The following RALYL variants were observed in gnomAD, a reference collection of about 807,000 sequenced individuals.
RALYL encodes the protein RALY RNA binding protein like.
A neutral mutation model predicts 35.1 loss-of-function variants in RALYL; 29 were observed. That is an observed-to-expected ratio of 0.83 (90% CI 0.61 to 1.13). The LOEUF (loss-of-function observed/expected upper bound fraction) is 1.13. RALYL is among the 50% of genes most tolerant of loss of function. The probability of loss-of-function intolerance (pLI) is 0.00; values close to 1 mark genes in which losing one functional copy is unlikely to be tolerated. For synonymous variants in RALYL, 120 were observed against 127.6 expected, an observed-to-expected ratio of 0.94 and a Z score of 0.40; for missense variants, 359 against 360.4, an observed-to-expected ratio of 1.00 and a Z score of 0.03.
intron 1 of RALYL, among the ~76,000 whole-genome samples, chr8:84,217,695 T>A (rs1821161625): frequency 1.3e-5 from 2 of 152,130 alleles, no homozygotes; most frequent in South Asian, 4.1e-4. Flanking sequence ...GCAGAATGCA[T>A]GAAGATTTAC....
chr8:84,609,940 C>T (rs1817931387), intron 2 of RALYL, among the ~76,000 whole-genome samples: 1 of 152,038 alleles, frequency 6.6e-6, no homozygotes, highest in African/African-American at 2.4e-5. Flanking sequence ...TGCAGGGGAA[C>T]TCCTCTTTAT....
chr8:84,460,108 A>C (rs1048333411), intron 1 of RALYL, among the ~76,000 whole-genome samples: 1 of 151,792 alleles, frequency 6.6e-6, no homozygotes, highest in African/African-American at 2.4e-5. Flanking sequence ...ATATACCTGG[A>C]GGTTATACAC....
intron 2 of RALYL, among the ~76,000 whole-genome samples, chr8:84,694,128 A>G (rs1024846091): frequency 6.6e-6 from 1 of 151,910 alleles, no homozygotes; most frequent in East Asian, 1.9e-4. Flanking sequence ...GGTAAGACAA[A>G]GAAATAAAAG....
At chr8:84,335,198 A>G (rs1013531536) in intron 1 of RALYL, among the ~76,000 whole-genome samples, 2 of 152,146 alleles carry the variant, frequency 1.3e-5, no homozygotes, top group African/African-American at 4.8e-5. Context: ...GAGATTCCTC[A>G]CAAGAGCTTC....
intron 1 of RALYL, among the ~76,000 whole-genome samples, chr8:84,390,629 T>C (rs909749880): frequency 3.3e-5 from 5 of 152,134 alleles, no homozygotes; most frequent in Middle Eastern, 3.2e-3. Context: ...TTTATTTGTG[T>C]AGAGGTGTTT....
intron 2 of RALYL, among the ~76,000 whole-genome samples, chr8:84,668,948 C>CACAT (rs1449492802): frequency 1.2e-4 from 18 of 148,578 alleles, no homozygotes; most frequent in African/African-American, 4.6e-4. Context: ...TGTTCAACAA[C>CACAT]ACATCCATCC....
intron 1 of RALYL, among the ~76,000 whole-genome samples, chr8:84,418,574 T>C (rs2045028911): frequency 6.6e-6 from 1 of 152,154 alleles, no homozygotes; most frequent in African/African-American, 2.4e-5. Flanking sequence ...GGTACAGTTT[T>C]ATATTTTAAT....
intron 1 of RALYL, among the ~76,000 whole-genome samples, chr8:84,429,280 G>T (rs2046887519): frequency 6.6e-6 from 1 of 152,150 alleles, no homozygotes; most frequent in South Asian, 2.1e-4. Flanking sequence ...GGGAAGAATT[G>T]CACAGGCTGT....
At chr8:84,379,267 C>G (rs1180056488) in intron 1 of RALYL, among the ~76,000 whole-genome samples, 2 of 151,856 alleles carry the variant, frequency 1.3e-5, no homozygotes, top group Non-Finnish European at 2.9e-5. Context: ...AATTGTATTT[C>G]TATCAATAAT....
At chr8:84,592,870 A>T (rs1813607451) in intron 2 of RALYL, among the ~76,000 whole-genome samples, 1 of 152,122 alleles carries the variant, frequency 6.6e-6, no homozygotes, top group African/African-American at 2.4e-5. Flanking sequence ...AAGGATAAGG[A>T]TATTGCCCAC....
chr8:84,834,753 A>T (rs998529642), intron 4 of RALYL, among the ~76,000 whole-genome samples: 1 of 152,234 alleles, frequency 6.6e-6, no homozygotes, highest in Non-Finnish European at 1.5e-5. Flanking sequence ...TGCTCTAAAC[A>T]TTCTAATATC....
chr8:84,475,575 G>A (rs1031717662), intron 1 of RALYL, among the ~76,000 whole-genome samples: 1 of 152,114 alleles, frequency 6.6e-6, no homozygotes, highest in Non-Finnish European at 1.5e-5. Flanking sequence ...TATGTGTTTA[G>A]ACATACACCA....
At chr8:84,525,616 G>A (rs963373348) in intron 1 of RALYL, among the ~76,000 whole-genome samples, 14 of 151,630 alleles carry the variant, frequency 9.2e-5, no homozygotes, top group African/African-American at 2.7e-4. Context: ...TATGTTTAAC[G>A]GCTTGACAGA....
Position 84,870,234 on chromosome 8 carries a change from A to G in RALYL, c.572-3050A>G, listed in dbSNP as rs187067750. ...AACAAGACAACCAGAGATTTTTATT[A>G]TGACAGTATGTTTGCTTTTGTGTAT... On this transcript the variant is annotated intron_variant, in intron 6 of 8. Coordinates refer to ENST00000521268, the MANE Select transcript of RALYL (RefSeq NM_173848.7). Among the ~76,000 whole-genome samples, 456 of 151,806 alleles carry G rather than the reference A, an allele frequency of 3.0e-3. 3 individuals are homozygous for G. The highest frequency in any genetic ancestry group is 0.01 in the African/African-American group (432 of 41,474).
intron 1 of RALYL, among the ~76,000 whole-genome samples, chr8:84,200,651 T>C (rs1276098513): frequency 6.6e-6 from 1 of 152,118 alleles, no homozygotes; most frequent in African/African-American, 2.4e-5. Context: ...TAATTAAAGC[T>C]TGAACAAATA....
chr8:84,622,579 G>A (rs889052653), intron 2 of RALYL, among the ~76,000 whole-genome samples: 5 of 152,116 alleles, frequency 3.3e-5, no homozygotes, highest in Admixed American at 1.3e-4. Flanking sequence ...TCAGGACAAC[G>A]CTCCACAGAG....
intron 1 of RALYL, among the ~76,000 whole-genome samples, chr8:84,338,265 C>G (rs1848181235): frequency 6.6e-6 from 1 of 151,816 alleles, no homozygotes; most frequent in Non-Finnish European, 1.5e-5. Context: ...ATGTTAGTCA[C>G]AGAGTGGGAC....
chr8:84,452,788 A>G lies in RALYL; in HGVS notation c.-23-76511A>G, dbSNP rs190014222. ...CATTACCTTCTTTTCTAAATATAAA[A>G]CAGGATAGATCACTGGATAAAAATA... On this transcript the variant is annotated intron_variant, in intron 1 of 8. Coordinates refer to ENST00000521268, the MANE Select transcript of RALYL (RefSeq NM_173848.7). Among the ~76,000 whole-genome samples the G allele has an allele frequency of 3.9e-3, 594 of 152,096 alleles. 2 individuals are homozygous for G. The highest frequency in any genetic ancestry group is 6.1e-3 in the Non-Finnish European group (415 of 67,890).
In RALYL at chr8:84,416,959, C is replaced by T. The variant is rs561428254; in HGVS notation, c.-23-112340C>T. On this transcript the variant is annotated intron_variant, in intron 1 of 8. Transcript: ENST00000521268. Reference sequence around the variant, plus strand: ...GGAAAATAAGCTACCAAATAACCAACCAACATTTTAACTTCTCTTATTTTC... The same window carrying T: ...GGAAAATAAGCTACCAAATAACCAATCAACATTTTAACTTCTCTTATTTTC... 2.5e-4 allele frequency among the ~76,000 whole-genome samples: 38 copies of T among 152,124 alleles called. No homozygotes were observed. The South Asian group carries it at 2.9e-3, about 12-fold the overall frequency.
Sources: gnomAD v4.1 joint callset for allele counts (sites outside exome capture counted in the v4.1 genomes callset) on GRCh38, gnomAD v4.1.1 for gene constraint, MANE v1.5 for transcripts, NCBI Gene and HGNC (gene_info 2026-07-23, HGNC 2026-07-21) for gene names.